ZPBP: variants seen among roughly 807,000 people sequenced by gnomAD.
ZPBP encodes zona pellucida binding protein.
In ZPBP, 26 loss-of-function variants were observed where a neutral mutation model predicts 44.8. That is an observed-to-expected ratio of 0.58 (90% CI 0.43 to 0.81). ZPBP has a LOEUF of 0.81. Ranked by LOEUF, ZPBP falls within the 30% of genes least tolerant of loss-of-function variation. ZPBP has a pLI of 0.00. For synonymous variants in ZPBP, 174 were observed against 153.2 expected (o/e 1.14, Z -1.00); for missense variants, 409 against 434.0 (o/e 0.94, Z 0.51).
chr7:50,015,356 A>C (rs557517501), intron 6 of ZPBP, among the ~76,000 whole-genome samples: 1 of 152,088 alleles, frequency 6.6e-6, no homozygotes, highest in Non-Finnish European at 1.5e-5. Flanking sequence ...ATAGTGATAA[A>C]ATTGCCTTTC....
At chr7:50,022,838 T>C (rs1270406081) in intron 5 of ZPBP, among the ~76,000 whole-genome samples, 1 of 152,050 alleles carries the variant, frequency 6.6e-6, no homozygotes, top group African/African-American at 2.4e-5. Flanking sequence ...CAGGATAATT[T>C]AAATTATAAT....
At chr7:49,962,511 G>A (rs1234519591) in intron 7 of ZPBP, among the ~76,000 whole-genome samples, 3 of 151,784 alleles carry the variant, frequency 2.0e-5, no homozygotes, top group Non-Finnish European at 4.4e-5. Context: ...TGGCATTTAT[G>A]AAAAGCCCAC....
chr7:49,980,334 T>A (rs1168324660), intron 7 of ZPBP, among the ~76,000 whole-genome samples: 1 of 134,776 alleles, frequency 7.4e-6, no homozygotes, highest in Non-Finnish European at 1.5e-5. Flanking sequence ...ATAACATATA[T>A]TATATAATAC....
At chr7:49,865,292 T>C (rs771169360) in intron 2 of ZPBP, among the ~76,000 whole-genome samples, 2 of 152,200 alleles carry the variant, frequency 1.3e-5, no homozygotes, top group Non-Finnish European at 2.9e-5. Flanking sequence ...GTACCTTGGA[T>C]CAAGTAATAG....
downstream of ZPBP, among the ~76,000 whole-genome samples, chr7:49,846,780 T>C (rs1307329805): frequency 6.6e-6 from 1 of 152,222 alleles, no homozygotes; most frequent in African/African-American, 2.4e-5. Context: ...TAGGAATGCA[T>C]ACATTTTCCC....
chr7:49,861,393 C>G (rs1790649038), intron 2 of ZPBP, among the ~76,000 whole-genome samples: 2 of 151,980 alleles, frequency 1.3e-5, no homozygotes, highest in Admixed American at 1.3e-4. Flanking sequence ...AATATTAAGC[C>G]CTTATCAAAT....
At chr7:49,999,962 T>G (rs1171043702) in intron 6 of ZPBP, among the ~76,000 whole-genome samples, 3 of 152,148 alleles carry the variant, frequency 2.0e-5, no homozygotes, top group African/African-American at 7.2e-5. Flanking sequence ...TAACCCCACC[T>G]GATGTGCTTG....
intron 6 of ZPBP, among the ~76,000 whole-genome samples, chr7:49,997,109 C>T (rs1042064166): frequency 1.3e-5 from 2 of 152,194 alleles, no homozygotes; most frequent in East Asian, 3.8e-4. Context: ...GATATGTCTT[C>T]TGAGCCCTAC....
At chr7:49,844,397 G>A in the ZPBP span, among the ~76,000 whole-genome samples, 2 of 152,152 alleles carry the variant, frequency 1.3e-5, no homozygotes, top group African/African-American at 2.4e-5. Flanking sequence ...CAGAACGATC[G>A]GCTTTGCCCT....
intron 2 of ZPBP, among the ~76,000 whole-genome samples, chr7:49,870,093 A>G (rs1435508926): frequency 6.6e-6 from 1 of 152,186 alleles, no homozygotes; most frequent in Non-Finnish European, 1.5e-5. Flanking sequence ...GAAGGGACAC[A>G]AGGAAACCTG....
Position 49,871,672 on chromosome 7 carries a change from ATGATAC to A in ZPBP, n.510-21164_510-21159del, listed in dbSNP as rs578195326. Among the ~76,000 whole-genome samples the A allele has an allele frequency of 5.3e-5, 8 of 152,252 alleles. No individual in the cohort carries two copies. The South Asian group carries it at 1.5e-3, about 28-fold the overall frequency. ...ATGTCATGGAAAGAAACATACTAGG[ATGATAC>A]TGTTGTTCTGTGCAAATGTTGGGCA... On this transcript the variant is annotated intron_variant and non_coding_transcript_variant, in intron 2 of 2. Transcript: ENST00000465922.
At chr7:49,895,114 A>G (rs1299334402) in intron 2 of ZPBP, among the ~76,000 whole-genome samples, 2 of 152,238 alleles carry the variant, frequency 1.3e-5, no homozygotes, top group Non-Finnish European at 2.9e-5. Flanking sequence ...GTGGCTGGGA[A>G]GTCCAACATA....
chr7:49,949,875 A>G (rs1364980574), intron 7 of ZPBP, among the ~76,000 whole-genome samples: 2 of 151,994 alleles, frequency 1.3e-5, no homozygotes, highest in African/African-American at 2.4e-5. Flanking sequence ...CAATTTGATT[A>G]TGCCAAGAAT....
At chr7:49,871,295 A>C (rs527340561) in intron 2 of ZPBP, among the ~76,000 whole-genome samples, 2 of 152,298 alleles carry the variant, frequency 1.3e-5, no homozygotes, top group East Asian at 3.9e-4. Flanking sequence ...CTTTTGATCC[A>C]AGTCGGATTC....
chr7:49,998,281 G>A (rs1797943141), intron 6 of ZPBP, among the ~76,000 whole-genome samples: 1 of 152,094 alleles, frequency 6.6e-6, no homozygotes, highest in Admixed American at 6.6e-5. Flanking sequence ...TTGTAATTTG[G>A]CCAGTCACAG....
intron 4 of ZPBP, among the ~76,000 whole-genome samples, chr7:50,039,286 A>G (rs956325447): frequency 6.6e-6 from 1 of 152,182 alleles, no homozygotes; most frequent in African/African-American, 2.4e-5. Context: ...AAAAATACTA[A>G]GAGGGTTCAA....
chr7:49,987,114 C>G (rs1296195348), intron 6 of ZPBP, among the ~76,000 whole-genome samples: 1 of 152,146 alleles, frequency 6.6e-6, no homozygotes, highest in Non-Finnish European at 1.5e-5. Context: ...CCTCCACGAA[C>G]CACCTTGAAT....
At chr7:49,952,485 T>C (rs1461723671) in intron 7 of ZPBP, among the ~76,000 whole-genome samples, 1 of 152,034 alleles carries the variant, frequency 6.6e-6, no homozygotes, top group East Asian at 1.9e-4. Flanking sequence ...CTGTATAGCT[T>C]TGAGAACTTC....
chr7:49,845,381 G>A, the ZPBP span, among the ~76,000 whole-genome samples: 8 of 152,082 alleles, frequency 5.3e-5, no homozygotes, highest in African/African-American at 1.9e-4. Context: ...TAGAAACTTA[G>A]ATTTTCACAC....
Sources: allele counts gnomAD v4.1 joint callset (sites outside exome capture counted in the v4.1 genomes callset), GRCh38; gene constraint gnomAD v4.1.1; transcripts MANE v1.5; gene names NCBI Gene and HGNC (gene_info 2026-07-23, HGNC 2026-07-21).